Variants in PREX1 observed in about 807,000 individuals in gnomAD.
The protein encoded by PREX1 is phosphatidylinositol-3,4,5-trisphosphate dependent Rac exchange factor 1, also known as phosphatidylinositol 3,4,5-trisphosphate-dependent Rac exchanger 1 protein.
A neutral mutation model predicts 198.3 loss-of-function variants in PREX1; 41 were observed. That is an observed-to-expected ratio of 0.21 (90% confidence interval 0.16 to 0.27). The LOEUF is 0.27. Among genes scored for constraint, PREX1 ranks in the 10% least tolerant of loss-of-function variants. PREX1 has a pLI of 1.00. For synonymous variants in PREX1, 843 were observed against 887.2 expected (o/e 0.95, Z 0.89); for missense variants, 1,620 against 2,200.7 (o/e 0.74, Z 5.28).
intron 6 of PREX1, among the ~76,000 whole-genome samples, chr20:48,705,180 G>A (rs2089897165): frequency 6.6e-6 from 1 of 152,230 alleles, no homozygotes; most frequent in Non-Finnish European, 1.5e-5. Context: ...CGCAGATGAG[G>A]AAACTGAGGC....
At chr20:48,883,567 C>T in the PREX1 span, among the ~76,000 whole-genome samples, 1 of 151,990 alleles carries the variant, frequency 6.6e-6, no homozygotes, top group African/African-American at 2.4e-5. Flanking sequence ...ATAAGATCAA[C>T]ATACAAAAAT....
At chr20:48,713,902 A>T (rs1467782529) in intron 5 of PREX1, among the ~76,000 whole-genome samples, 1 of 152,040 alleles carries the variant, frequency 6.6e-6, no homozygotes, top group South Asian at 2.1e-4. Flanking sequence ...AAATCAATGC[A>T]TATCAAAAAA....
Position 48,639,800 on chromosome 20 carries a change from C to G in PREX1, c.3870G>C (p.Lys1290Asn). Residue 1290 changes from lysine (K) to asparagine (N), a missense_variant, in exon 30 of 40, where the codon AAG (lysine) becomes AAC (asparagine). By Grantham distance (94) the Lys-to-Asn change is moderately conservative. Coordinates refer to ENST00000371941, the MANE Select transcript of PREX1 (RefSeq NM_020820.4). ...EDPWNLPNSI[K>N]TLVDNIQRYV... ...ATCTCTGAATGTTGTCCACCAGGGT[C>G]TTGATGGAGTTGGGGAGGTTCCAGG... is the stretch of plus-strand genomic sequence containing the variant. 1 of 1,614,104 alleles carries G rather than the reference C, an allele frequency of 6.2e-7. No homozygotes were observed.
At chr20:48,742,488 C>A (rs1170780350) in intron 3 of PREX1, among the ~76,000 whole-genome samples, 1 of 152,086 alleles carries the variant, frequency 6.6e-6, no homozygotes, top group Non-Finnish European at 1.5e-5. Context: ...GATGCAAAGT[C>A]GAGCAGCTGG....
intron 1 of PREX1, among the ~76,000 whole-genome samples, chr20:48,807,081 G>C (rs964848930): frequency 6.6e-6 from 1 of 152,172 alleles, no homozygotes; most frequent in Non-Finnish European, 1.5e-5. Flanking sequence ...AACTGGCAGG[G>C]AACTGTCTTT....
intron 25 of PREX1, 151 bp from the exon 26 acceptor site, chr20:48,646,208 G>C: frequency 2.7e-6 from 2 of 744,928 alleles, no homozygotes; most frequent in African/African-American, 1.8e-5. Context: ...AGCTACACAA[G>C]GCTCTACCAG....
the PREX1 span, among the ~76,000 whole-genome samples, chr20:48,837,652 C>T: frequency 1.3e-5 from 2 of 152,136 alleles, no homozygotes; most frequent in Non-Finnish European, 2.9e-5. Flanking sequence ...GAGCAACAGA[C>T]ACTAGGGCCT....
Position 48,645,838 on chromosome 20 carries a change from C to T in PREX1, c.3512+13G>A, listed in dbSNP as rs752608917. The T allele has an allele frequency of 8.1e-6, 13 of 1,613,202 alleles. No homozygotes were observed. Among genetic ancestry groups the T allele is most frequent in the East Asian group, 2.2e-5 (1 of 44,870 alleles). The stretch of plus-strand genomic sequence containing the variant: ...TCCTCATCTAACCTCAGCCCCCTGA[C>T]GGTGACACCCACCTGTAGGAGTCGC... On this transcript the variant is annotated intron_variant, in intron 26 of 39. Coordinates refer to ENST00000371941, the MANE Select transcript of PREX1 (RefSeq NM_020820.4).
chr20:48,737,287 T>C lies in PREX1; in HGVS notation c.415-2637A>G, dbSNP rs1601105000. On this transcript the variant is annotated intron_variant, in intron 3 of 39. Coordinates refer to ENST00000371941, the MANE Select transcript of PREX1 (RefSeq NM_020820.4). Reference sequence around the variant, plus strand: ...GGAAGGCAGCAGATAGACTCGTGGGTTTAGGGAAAGCATCGGGAGGGTCCC... The same window carrying C: ...GGAAGGCAGCAGATAGACTCGTGGGCTTAGGGAAAGCATCGGGAGGGTCCC... 2.3e-5 allele frequency among the ~76,000 whole-genome samples: 3 copies of C among 132,082 alleles called. No homozygotes were observed. The Admixed American group carries it at 2.4e-4, about 10-fold the overall frequency. 86.7% of individuals were successfully genotyped at this position (132,082 alleles called of 152,430 possible). A position where few individuals can be genotyped will look rare whatever the true frequency, so the allele number is the denominator to read the frequency against.
chr20:48,634,509 C>T (rs1023357119), intron 33 of PREX1, among the ~76,000 whole-genome samples, 167 bp downstream of exon 33: 4 of 152,160 alleles, frequency 2.6e-5, no homozygotes, highest in Admixed American at 6.5e-5. Context: ...CCCCAAAGTT[C>T]GGCTCTCACA....
intron 36 of PREX1, 28 bp from the exon 37 acceptor site, chr20:48,629,649 G>A (rs768664269): frequency 6.2e-7 from 1 of 1,606,110 alleles, no homozygotes; most frequent in African/African-American, 1.3e-5. Flanking sequence ...CATAACCGGG[G>A]AGTTGGAGGA....
At chr20:48,815,824 A>G (rs2090456413) in intron 1 of PREX1, among the ~76,000 whole-genome samples, 1 of 152,136 alleles carries the variant, frequency 6.6e-6, no homozygotes, top group South Asian at 2.1e-4. Flanking sequence ...AGCCTGGCCA[A>G]TGTGGCGAAA....
At chr20:48,845,417 T>G in the PREX1 span, among the ~76,000 whole-genome samples, 1 of 152,108 alleles carries the variant, frequency 6.6e-6, no homozygotes, top group East Asian at 1.9e-4. Context: ...GAGAAGAGTT[T>G]TCTAGGCTGG....
chr20:48,727,236 T>C (rs2090014437), intron 4 of PREX1, among the ~76,000 whole-genome samples: 1 of 152,142 alleles, frequency 6.6e-6, no homozygotes, highest in Non-Finnish European at 1.5e-5. Context: ...GGAGTGTACG[T>C]GATTCTGTCA....
At chr20:48,813,214 C>T (rs1189444038) in intron 1 of PREX1, among the ~76,000 whole-genome samples, 2 of 152,178 alleles carry the variant, frequency 1.3e-5, no homozygotes, top group Admixed American at 6.5e-5. Context: ...GTAGGGACAG[C>T]GATTTCCCCA....
chr20:48,797,943 A>G (rs1346254164), intron 1 of PREX1, among the ~76,000 whole-genome samples: 1 of 152,162 alleles, frequency 6.6e-6, no homozygotes, highest in East Asian at 1.9e-4. Context: ...TCTTGTCCCC[A>G]TTCAAGGGGG....
the PREX1 span, among the ~76,000 whole-genome samples, chr20:48,867,148 C>A: frequency 6.6e-6 from 1 of 152,232 alleles, no homozygotes; most frequent in African/African-American, 2.4e-5. Flanking sequence ...CAGCCTCAAG[C>A]CCACTTAATC....
In PREX1 at chr20:48,637,766, G is replaced by T. The variant is rs1476415973; in HGVS notation, c.3905-14C>A. On this transcript the variant is annotated splice_polypyrimidine_tract_variant and intron_variant, in intron 30 of 39. Transcript: ENST00000371941. ...GGTTCTTCCCATCTGGAAGGAGAAG[G>T]GAGACAGAAAGGGGGACGGGCTGGG... 6.2e-7 allele frequency: 1 copy of T among 1,611,044 alleles called. No homozygotes were observed. The highest frequency in any genetic ancestry group is 8.5e-7 in the Non-Finnish European group (1 of 1,178,606).
intron 1 of PREX1, among the ~76,000 whole-genome samples, chr20:48,767,591 T>C (rs1159861268): frequency 1.3e-5 from 2 of 152,128 alleles, no homozygotes; most frequent in Non-Finnish European, 2.9e-5. Context: ...ACGCTTACGT[T>C]ACCATCACTG....
Sources: allele counts gnomAD v4.1 joint callset (sites outside exome capture counted in the v4.1 genomes callset), GRCh38; gene constraint gnomAD v4.1.1; transcripts MANE v1.5; gene names NCBI Gene and HGNC (gene_info 2026-07-23, HGNC 2026-07-21).